PKNOX1: variants seen among roughly 807,000 people sequenced by gnomAD.
The protein encoded by PKNOX1 is homeobox protein PKNOX1.
PKNOX1 carries 15 observed loss-of-function variants against 51.9 expected under a neutral mutation model. The ratio of observed to expected loss-of-function variants is 0.29; its 90% CI spans 0.19 to 0.45. PKNOX1 has a LOEUF of 0.45. Among genes scored for constraint, PKNOX1 ranks in the 20% least tolerant of loss-of-function variants. The pLI is 1.00. For missense variants in PKNOX1, 462 were observed against 547.5 expected, an observed-to-expected ratio of 0.84 and a Z score of 1.56; for synonymous variants, 219 against 211.1, an observed-to-expected ratio of 1.04 and a Z score of -0.32.
rs193154387 is a variant in PKNOX1, at chr21:42,998,895, A to G, written c.-56-5431A>G. The stretch of plus-strand genomic sequence containing the variant: ...CAGGTGCATGGTGCAAGCTGTTGGT[A>G]GATCTACCATTCTGGGGTCTGGAGG... On this transcript the variant is annotated intron_variant, in intron 1 of 10. Transcript: ENST00000291547. 1.1e-4 allele frequency among the ~76,000 whole-genome samples: 17 copies of G among 152,244 alleles called. No individual in the cohort carries two copies. The East Asian group carries it at 3.3e-3, about 29-fold the overall frequency.
intron 8 of PKNOX1, among the ~76,000 whole-genome samples, chr21:43,022,809 G>A (rs1352513887): frequency 6.6e-6 from 1 of 152,136 alleles, no homozygotes; most frequent in Non-Finnish European, 1.5e-5. Flanking sequence ...TAGTTAACAT[G>A]AGGAATGAGG....
In PKNOX1 at chr21:43,023,684, G is replaced by A. The variant is rs184481252; in HGVS notation, c.850-1187G>A. 1.3e-3 allele frequency among the ~76,000 whole-genome samples: 202 copies of A among 151,356 alleles called. 1 individual carries two copies. Among genetic ancestry groups the A allele is most frequent in the African/African-American group, 4.7e-3 (192 of 41,188 alleles). ...GGCTGGAGTGCAGTGGCGCGATCTC[G>A]GCTCACTGCAACCTCCGCTTCCTGG... On this transcript the variant is annotated intron_variant, in intron 8 of 10. Coordinates refer to ENST00000291547, the MANE Select transcript of PKNOX1 (RefSeq NM_004571.5).
chr21:43,026,391 C>T lies in PKNOX1; in HGVS notation c.926+1444C>T, dbSNP rs537882179. 1.2e-4 allele frequency among the ~76,000 whole-genome samples: 19 copies of T among 152,234 alleles called. No homozygotes were observed. The South Asian group carries it at 3.7e-3, about 30-fold the overall frequency. ...TCTTTTGTATTTACAAACATTACAT[C>T]TTGGAGTGAGATACACACACCCATC... On this transcript the variant is annotated intron_variant, in intron 9 of 10. Transcript: ENST00000291547.
At chr21:43,007,762 C>A in intron 3 of PKNOX1, 144 bp downstream of exon 3, 3 of 862,444 alleles carry the variant, frequency 3.5e-6, no homozygotes, top group South Asian at 1.7e-5. Flanking sequence ...AAAATTTTCT[C>A]AGATTAAGAT....
chr21:42,986,961 G>A (rs995968130), intron 1 of PKNOX1, among the ~76,000 whole-genome samples: 1 of 152,242 alleles, frequency 6.6e-6, no homozygotes, highest in South Asian at 2.1e-4. Flanking sequence ...TGCTAGGCGC[G>A]GCACCTGGTG....
At chr21:43,022,157 C>T (rs1979788318) in intron 8 of PKNOX1, among the ~76,000 whole-genome samples, 1 of 152,252 alleles carries the variant, frequency 6.6e-6, no homozygotes, top group Non-Finnish European at 1.5e-5. Flanking sequence ...GTTTGCCCTT[C>T]TCCCCTGCTG....
Position 43,021,950 on chromosome 21 carries a change from C to T in PKNOX1, c.849+519C>T, listed in dbSNP as rs1010313103. Among the ~76,000 whole-genome samples, 7 of 152,248 alleles carry T rather than the reference C, an allele frequency of 4.6e-5. No individual in the cohort carries two copies. Among genetic ancestry groups the T allele is most frequent in the Admixed American group, 4.6e-4 (7 of 15,284 alleles). On this transcript the variant is annotated intron_variant, in intron 8 of 10. Transcript: ENST00000291547. The surrounding 1 kb of genome is among the most constrained non-coding windows in gnomAD (Gnocchi z 4.6). ...CCCGGGCCATGGCCGCGTCTTCTCCCTGTCCCCAGGACATCTTAGGAAGTG... is the reference window on the plus strand; with the variant it reads ...CCCGGGCCATGGCCGCGTCTTCTCCTTGTCCCCAGGACATCTTAGGAAGTG...
At chr21:43,014,223 G>A (rs1418312121) in intron 5 of PKNOX1, among the ~76,000 whole-genome samples, 22 of 151,836 alleles carry the variant, frequency 1.4e-4, no homozygotes, top group East Asian at 3.9e-4. Context: ...GGGTTTCACC[G>A]TATTAGCCAG....
chr21:43,027,317 G>A (rs1980026127), intron 9 of PKNOX1, among the ~76,000 whole-genome samples: 2 of 152,194 alleles, frequency 1.3e-5, no homozygotes, highest in Admixed American at 6.6e-5. Context: ...GCGCTTTCAC[G>A]GGACAGATGT....
At position 43,032,152 on chromosome 21, in the gene PKNOX1, G is replaced by C. The variant is rs138122466; in HGVS notation, c.*2051G>C. The stretch of plus-strand genomic sequence containing the variant: ...TGGGATTACAGGTGTGAGCCACCGC[G>C]CCCGGCCGAGAATGACATCTTAAAG... On this transcript the variant is annotated 3_prime_UTR_variant, in exon 11 of 11. Coordinates refer to ENST00000291547, the MANE Select transcript of PKNOX1 (RefSeq NM_004571.5). The C allele has an allele frequency of 8.8e-6, 4 of 455,984 alleles. No homozygotes were observed. Among genetic ancestry groups the C allele is most frequent in the African/African-American group, 8.0e-5 (4 of 50,046 alleles). The allele number at this position is 455,984 out of a possible 1,614,324, so 28.2% of individuals were successfully genotyped here. A position where few individuals can be genotyped will look rare whatever the true frequency, so the allele number is the denominator to read the frequency against.
chr21:43,022,286 G>A (rs879563882), intron 8 of PKNOX1, among the ~76,000 whole-genome samples: 5 of 152,182 alleles, frequency 3.3e-5, no homozygotes, highest in East Asian at 1.9e-4. Context: ...GGGTGCCTCC[G>A]CTGGGGCTGA....
chr21:42,982,367 C>T (rs35895539), intron 1 of PKNOX1, among the ~76,000 whole-genome samples: 5,349 of 152,280 alleles, frequency 0.035, 134 homozygotes, highest in Middle Eastern at 0.061. Context: ...TACATGTTCT[C>T]TCAGACATTT....
intron 1 of PKNOX1, among the ~76,000 whole-genome samples, chr21:42,978,783 C>T (rs1417957516): frequency 6.6e-6 from 1 of 151,546 alleles, no homozygotes; most frequent in Admixed American, 6.6e-5. Flanking sequence ...CGCACCCAGC[C>T]CTTTTTTGTT....
chr21:43,029,963 C>T lies in PKNOX1; in HGVS notation c.1173C>T (p.Ala391=), dbSNP rs1352755162. The stretch of plus-strand genomic sequence containing the variant: ...TTCAGTCTCTGTCCTCGGACGGGGC[C>T]ACCCTGGCGGTGCAGCAGGTCATGA... ...DSLQSLSSDG[A]TLAVQQVMMA... is the part of the protein sequence containing the mutation. Residue 391 remains alanine (A), a synonymous_variant, in exon 11 of 11, where the codon GCC becomes GCT. Transcript: ENST00000291547. The T allele has an allele frequency of 2.5e-6, 4 of 1,614,150 alleles. No individual in the cohort carries two copies. Among genetic ancestry groups the T allele is most frequent in the Non-Finnish European group, 2.5e-6 (3 of 1,180,016 alleles).
chr21:43,021,544 C>A lies in PKNOX1; in HGVS notation c.849+113C>A. Reference sequence around the variant, plus strand: ...TGGGCTCAGAAAATCAAAGGCCTGACTTTCAGGACTTTGTGGCATGTCCAT... The same window carrying A: ...TGGGCTCAGAAAATCAAAGGCCTGAATTTCAGGACTTTGTGGCATGTCCAT... On this transcript the variant is annotated intron_variant, in intron 8 of 10. Transcript: ENST00000291547. The surrounding 1 kb of genome is among the most constrained non-coding windows in gnomAD (Gnocchi z 4.6). The A allele has an allele frequency of 4.1e-6, 5 of 1,233,692 alleles. No individual in the cohort carries two copies. The highest frequency in any genetic ancestry group is 1.5e-5 in the African/African-American group (1 of 66,316). The allele number at this position is 1,233,692 out of a possible 1,614,324, so 76.4% of individuals were successfully genotyped here. A position where few individuals can be genotyped will look rare whatever the true frequency, so the allele number is the denominator to read the frequency against.
chr21:43,004,191 C>T (rs565375214), intron 1 of PKNOX1, 135 bp from the exon 2 acceptor site: 43 of 458,636 alleles, frequency 9.4e-5, no homozygotes, highest in Non-Finnish European at 3.7e-5. Context: ...GAGCCGAGAT[C>T]GCGCCATTGC....
chr21:42,998,255 T>TCA (rs1978596743), intron 1 of PKNOX1, among the ~76,000 whole-genome samples: 2 of 152,162 alleles, frequency 1.3e-5, no homozygotes, highest in South Asian at 4.2e-4. Context: ...CCATCAGATC[T>TCA]TGTGGGACTT....
At chr21:43,020,235 A>C (rs1306843362) in intron 7 of PKNOX1, among the ~76,000 whole-genome samples, 1 of 152,114 alleles carries the variant, frequency 6.6e-6, no homozygotes, top group East Asian at 1.9e-4. Context: ...GCCTGGACTA[A>C]AGTTAGGTTT....
At chr21:42,996,262 T>G (rs894876905) in intron 1 of PKNOX1, among the ~76,000 whole-genome samples, 5 of 152,148 alleles carry the variant, frequency 3.3e-5, no homozygotes, top group African/African-American at 1.2e-4. Context: ...GTATAGGGAC[T>G]GCTGCAATGG....
Sources: gnomAD v4.1 joint callset for allele counts (sites outside exome capture counted in the v4.1 genomes callset) on GRCh38, gnomAD v4.1.1 for gene constraint, Gnocchi (gnomAD v3.1) non-coding constraint, MANE v1.5 for transcripts, NCBI Gene and HGNC (gene_info 2026-07-23, HGNC 2026-07-21) for gene names.